B3GNT3: variants seen among roughly 807,000 people sequenced by gnomAD.
B3GNT3 encodes the protein UDP-GlcNAc:betaGal beta-1,3-N-acetylglucosaminyltransferase 3.
In B3GNT3, 7 loss-of-function variants were observed where a neutral mutation model predicts 11.6. The ratio of observed to expected loss-of-function variants is 0.60; its 90% CI spans 0.34 to 1.13. B3GNT3 has a LOEUF of 1.13. Among genes scored for constraint, B3GNT3 ranks in the 50% most tolerant of loss-of-function variants. The pLI is 0.03. For synonymous variants in B3GNT3, 201 were observed against 222.1 expected (o/e 0.90, Z 0.85); for missense variants, 400 against 507.4 (o/e 0.79, Z 2.03).
chr19:17,808,940 G>T (rs75259381), intron 2 of B3GNT3, among the ~76,000 whole-genome samples: 1 of 151,988 alleles, frequency 6.6e-6, no homozygotes, highest in East Asian at 1.9e-4. Context: ...GGTTTCCGGC[G>T]ATCCTACTGC....
At position 17,807,888 on chromosome 19, in the gene B3GNT3, G is replaced by T. The variant is rs763974185; in HGVS notation, c.81G>T (p.Leu27=). Residue 27 remains leucine (L), a synonymous_variant, in exon 2 of 3, where the codon CTG becomes CTT. Transcript: ENST00000318683. ...CTTTCACCCTCCTCCTCTTCAGTCTGCTAGTGTCACCACCCACCTGCAAGG... is the reference window on the plus strand; with the variant it reads ...CTTTCACCCTCCTCCTCTTCAGTCTTCTAGTGTCACCACCCACCTGCAAGG... The part of the protein sequence containing the change: ...IGAFTLLLFS[L]LVSPPTCKVQ... The T allele has an allele frequency of 4.3e-6, 7 of 1,613,452 alleles. No homozygotes were observed. The East Asian group carries it at 1.6e-4, about 36-fold the overall frequency.
rs2094175933 is a variant in B3GNT3 at position 17,808,107 on chromosome 19, C to T, written c.300C>T (p.Pro100=). 1.2e-6 allele frequency: 2 copies of T among 1,613,912 alleles called. No homozygotes were observed. The highest frequency in any genetic ancestry group is 1.7e-6 in the Non-Finnish European group (2 of 1,179,926). ...TTCCCCTGCTGCAGGACGTGCCCCC[C>T]TCTAAGTGCGCGCAGCCGGTCTTCC... is the stretch of plus-strand genomic sequence containing the variant. ...RHFPLLQDVP[P]SKCAQPVFLL... Residue 100 remains proline, a synonymous_variant, in exon 2 of 3, where the codon CCC becomes CCT. Transcript: ENST00000318683.
chr19:17,809,124 G>A (rs1447370208), intron 2 of B3GNT3, among the ~76,000 whole-genome samples: 1 of 151,842 alleles, frequency 6.6e-6, no homozygotes, highest in Non-Finnish European at 1.5e-5. Context: ...GTGAGCCACT[G>A]CGCCCGGCCA....
At chr19:17,810,417 AAAAC>A (rs1465882085) in intron 2 of B3GNT3, among the ~76,000 whole-genome samples, 1 of 151,980 alleles carries the variant, frequency 6.6e-6, no homozygotes, top group Non-Finnish European at 1.5e-5. Context: ...CTCAAAAACA[AAAAC>A]AAAAAACCCT....
chr19:17,808,402 G>T, intron 2 of B3GNT3, 28 bp downstream of exon 2: 1 of 1,565,044 alleles, frequency 6.4e-7, no homozygotes, highest in Non-Finnish European at 8.7e-7. Flanking sequence ...CACCTGATCG[G>T]GGCCACCTGT....
intron 2 of B3GNT3, among the ~76,000 whole-genome samples, chr19:17,809,751 G>A (rs1206294937): frequency 2.0e-5 from 3 of 151,770 alleles, no homozygotes; most frequent in Non-Finnish European, 2.9e-5. Flanking sequence ...GCACAGCCTC[G>A]TCTCTATTTT....
intron 1 of B3GNT3, among the ~76,000 whole-genome samples, chr19:17,804,339 A>T (rs1449586709): frequency 7.0e-6 from 1 of 142,536 alleles, no homozygotes; most frequent in Non-Finnish European, 1.5e-5. Context: ...TCCCAGATTC[A>T]AGTGATTCTA....
intron 1 of B3GNT3, among the ~76,000 whole-genome samples, chr19:17,806,849 A>G (rs1262747622): frequency 1.3e-5 from 2 of 151,424 alleles, no homozygotes; most frequent in Non-Finnish European, 2.9e-5. Context: ...CTACTCTGAA[A>G]GATGAGGCAG....
At chr19:17,810,430 CT>C (rs1197127564) in intron 2 of B3GNT3, among the ~76,000 whole-genome samples, 2 of 151,776 alleles carry the variant, frequency 1.3e-5, no homozygotes, top group Admixed American at 6.6e-5. Context: ...ACAAAAAACC[CT>C]TTAAAAGTGT....
chr19:17,804,701 C>A (rs776315439), intron 1 of B3GNT3, among the ~76,000 whole-genome samples: 15 of 151,626 alleles, frequency 9.9e-5, no homozygotes, highest in African/African-American at 3.6e-4. Flanking sequence ...TGAGCCACCA[C>A]GCCCTGCTAA....
At chr19:17,807,214 G>A (rs113489070) in intron 1 of B3GNT3, among the ~76,000 whole-genome samples, 1,599 of 149,826 alleles carry the variant, frequency 0.011, 16 homozygotes, top group Non-Finnish European at 0.015. Flanking sequence ...GAAAGGCAGG[G>A]CACAGTGACT....
At chr19:17,804,682 C>T (rs928322677) in intron 1 of B3GNT3, among the ~76,000 whole-genome samples, 2 of 151,240 alleles carry the variant, frequency 1.3e-5, no homozygotes, top group East Asian at 1.9e-4. Flanking sequence ...GGATTACAGG[C>T]ATGAGCCATG....
rs2094183620 is a variant in B3GNT3, at chr19:17,813,325, C to A, written c.*1203C>A. 2.0e-5 allele frequency among the ~76,000 whole-genome samples: 3 copies of A among 152,060 alleles called. No individual in the cohort carries two copies. Among genetic ancestry groups the A allele is most frequent in the Admixed American group, 6.6e-5 (1 of 15,238 alleles). On this transcript the variant is annotated 3_prime_UTR_variant, in exon 3 of 3. Coordinates refer to ENST00000318683, the MANE Select transcript of B3GNT3 (RefSeq NM_014256.4). ...CTCAGGCGTGGTGGTGCTCACATGC[C>A]TGTAGTCCCAGCTATACTTGGGAGG... is the stretch of plus-strand genomic sequence containing the variant.
At chr19:17,807,170 C>G (rs796172731) in intron 1 of B3GNT3, among the ~76,000 whole-genome samples, 15 of 99,024 alleles carry the variant, frequency 1.5e-4, no homozygotes, top group African/African-American at 5.1e-4. Context: ...CTCAGCACCC[C>G]CATGTCCTAA....
intron 2 of B3GNT3, among the ~76,000 whole-genome samples, chr19:17,810,052 A>G (rs2094178574): frequency 6.6e-6 from 1 of 152,116 alleles, no homozygotes; most frequent in African/African-American, 2.4e-5. Flanking sequence ...TCTGCCTCCT[A>G]AGGGTGCATT....
chr19:17,798,769 G>T (rs1171373745), intron 1 of B3GNT3, among the ~76,000 whole-genome samples: 2 of 152,014 alleles, frequency 1.3e-5, no homozygotes, highest in Non-Finnish European at 1.5e-5. Flanking sequence ...GAGCCCAGGA[G>T]TTGGAGACCA....
intron 1 of B3GNT3, among the ~76,000 whole-genome samples, chr19:17,801,850 G>A (rs2094166631): frequency 6.6e-6 from 1 of 152,142 alleles, no homozygotes; most frequent in Non-Finnish European, 1.5e-5. Context: ...CACTTTGGGA[G>A]GCTGAGGTGG....
chr19:17,810,455 G>C (rs1207105543), intron 2 of B3GNT3, among the ~76,000 whole-genome samples: 1 of 152,026 alleles, frequency 6.6e-6, no homozygotes, highest in Non-Finnish European at 1.5e-5. Context: ...ATAAACATCA[G>C]CTTGACAAAT....
rs559011925 is a variant in B3GNT3 at position 17,808,103 on chromosome 19, C to T, written c.296C>T (p.Pro99Leu). ...CRHFPLLQDV[P>L]PSKCAQPVFL... Reference sequence around the variant, plus strand: ...CACTTTCCCCTGCTGCAGGACGTGCCCCCCTCTAAGTGCGCGCAGCCGGTC... The same window carrying T: ...CACTTTCCCCTGCTGCAGGACGTGCTCCCCTCTAAGTGCGCGCAGCCGGTC... Residue 99 changes from proline to leucine, a missense_variant, in exon 2 of 3, where the codon CCC (proline) becomes CTC (leucine). Coordinates refer to ENST00000318683, the MANE Select transcript of B3GNT3 (RefSeq NM_014256.4). 1 of 1,613,902 alleles carries T rather than the reference C, an allele frequency of 6.2e-7. No individual in the cohort carries two copies. The highest frequency in any genetic ancestry group is 8.5e-7 in the Non-Finnish European group (1 of 1,179,918).
Sources: allele counts gnomAD v4.1 joint callset (sites outside exome capture counted in the v4.1 genomes callset), GRCh38; gene constraint gnomAD v4.1.1; transcripts MANE v1.5; gene names NCBI Gene and HGNC (gene_info 2026-07-23, HGNC 2026-07-21).